The following ATP10A variants were observed in gnomAD, a reference collection of about 807,000 sequenced individuals.
The protein encoded by ATP10A is phospholipid-transporting ATPase VA.
ATP10A carries 111 observed loss-of-function variants against 147.8 expected under a neutral mutation model. The observed-to-expected ratio is 0.75, with a 90% confidence interval of 0.64 to 0.88. The LOEUF (loss-of-function observed/expected upper bound fraction) is 0.88. ATP10A is among the 40% of genes least tolerant of loss of function. The pLI is 0.00. For synonymous variants in ATP10A, 875 were observed against 841.6 expected, an observed-to-expected ratio of 1.04 and a Z score of -0.69; for missense variants, 1,927 against 1,959.0, an observed-to-expected ratio of 0.98 and a Z score of 0.31.
At chr15:25,745,002 A>G (rs986906005) in intron 2 of ATP10A, among the ~76,000 whole-genome samples, 2 of 152,214 alleles carry the variant, frequency 1.3e-5, no homozygotes, top group Non-Finnish European at 2.9e-5. Flanking sequence ...TGACACTAAA[A>G]TGATGAAAAC....
intron 2 of ATP10A, among the ~76,000 whole-genome samples, chr15:25,746,339 C>A (rs140606256): frequency 6.2e-4 from 95 of 152,164 alleles, no homozygotes; most frequent in Middle Eastern, 3.4e-3. Context: ...ATCCTAATAG[C>A]ATAAACTCAA....
intron 13 of ATP10A, among the ~76,000 whole-genome samples, chr15:25,696,855 C>T (rs1415692476): frequency 6.6e-6 from 1 of 152,216 alleles, no homozygotes; most frequent in Non-Finnish European, 1.5e-5. Context: ...AATTCTGCTA[C>T]CGTGGCTATG....
chr15:25,809,976 T>G (rs1891356186), intron 1 of ATP10A, among the ~76,000 whole-genome samples: 1 of 149,004 alleles, frequency 6.7e-6, no homozygotes, highest in Non-Finnish European at 1.5e-5. Context: ...ATCTGGGACA[T>G]GCATGGTGAA....
At chr15:25,748,961 G>A (rs1349000669) in intron 2 of ATP10A, among the ~76,000 whole-genome samples, 1 of 151,104 alleles carries the variant, frequency 6.6e-6, no homozygotes. Flanking sequence ...TACTCAGGAG[G>A]CTGAGGTGGG....
chr15:25,750,067 A>C (rs1168338885), intron 2 of ATP10A, among the ~76,000 whole-genome samples: 1 of 152,118 alleles, frequency 6.6e-6, no homozygotes, highest in Non-Finnish European at 1.5e-5. Context: ...ATAACTGAAA[A>C]GTTTCCAAAC....
intron 1 of ATP10A, among the ~76,000 whole-genome samples, chr15:25,784,917 G>A (rs1237351377): frequency 1.2e-4 from 18 of 147,766 alleles, no homozygotes; most frequent in Admixed American, 6.0e-4. Flanking sequence ...GCGAGACCCC[G>A]TGTCAAAAAA....
At chr15:25,828,694 T>TAA (rs1892223130) in intron 1 of ATP10A, among the ~76,000 whole-genome samples, 1 of 152,204 alleles carries the variant, frequency 6.6e-6, no homozygotes, top group Non-Finnish European at 1.5e-5. Context: ...TATTGCTTTA[T>TAA]CCAGTCATAA....
At chr15:25,783,477 A>ACC (rs34937685) in intron 1 of ATP10A, among the ~76,000 whole-genome samples, 22,248 of 145,210 alleles carry the variant, frequency 0.15, 1,690 homozygotes, top group Non-Finnish European at 0.19. Context: ...GATTTGAGGG[A>ACC]CCCCCCCCTG....
At chr15:25,682,721 G>T (rs773107483) in intron 17 of ATP10A, among the ~76,000 whole-genome samples, 1 of 152,212 alleles carries the variant, frequency 6.6e-6, no homozygotes, top group Admixed American at 6.5e-5. Context: ...TAACTCATCA[G>T]TGAATGAATC....
At chr15:25,735,920 C>T in intron 3 of ATP10A, 136 bp downstream of exon 3, 1 of 791,874 alleles carries the variant, frequency 1.3e-6, no homozygotes, top group Non-Finnish European at 2.1e-6. Context: ...GGCTCAGGTG[C>T]TGGGCCACAT....
intron 1 of ATP10A, among the ~76,000 whole-genome samples, chr15:25,852,405 G>T (rs953955309): frequency 1.3e-5 from 2 of 152,112 alleles, no homozygotes; most frequent in African/African-American, 4.8e-5. Flanking sequence ...GCTGGCAAGG[G>T]TCTGACCTCA....
chr15:25,706,211 A>C (rs1357277314), intron 12 of ATP10A, among the ~76,000 whole-genome samples: 3 of 152,210 alleles, frequency 2.0e-5, no homozygotes, highest in Non-Finnish European at 4.4e-5. Flanking sequence ...GGGGCCGTTA[A>C]CAACTTAGGA....
At chr15:25,745,004 G>C (rs183678473) in intron 2 of ATP10A, among the ~76,000 whole-genome samples, 63 of 152,288 alleles carry the variant, frequency 4.1e-4, no homozygotes, top group Middle Eastern at 6.8e-3. Context: ...ACACTAAAAT[G>C]ATGAAAACCA....
intron 2 of ATP10A, among the ~76,000 whole-genome samples, chr15:25,755,090 C>A (rs1400751113): frequency 6.6e-6 from 1 of 152,186 alleles, no homozygotes; most frequent in Admixed American, 6.5e-5. Context: ...CTGCCTTTTT[C>A]CCTTGAAATA....
intron 1 of ATP10A, among the ~76,000 whole-genome samples, chr15:25,806,413 C>A (rs764312444): frequency 6.6e-6 from 1 of 152,026 alleles, no homozygotes; most frequent in Non-Finnish European, 1.5e-5. Context: ...CCCAGGTTCA[C>A]GCCATTCTCC....
At chr15:25,743,216 G>T (rs191880288) in intron 2 of ATP10A, among the ~76,000 whole-genome samples, 10 of 152,310 alleles carry the variant, frequency 6.6e-5, no homozygotes, top group Admixed American at 2.0e-4. Context: ...ACAAAAAGAG[G>T]TCAGCTAAGA....
intron 1 of ATP10A, among the ~76,000 whole-genome samples, chr15:25,820,732 T>C (rs943099457): frequency 3.3e-5 from 5 of 152,242 alleles, no homozygotes; most frequent in African/African-American, 1.2e-4. Context: ...GGAAAATTTA[T>C]TATATGAAGG....
Position 25,791,922 on chromosome 15 carries a change from C to T in ATP10A, c.450-10699G>A, listed in dbSNP as rs144970668. The stretch of plus-strand genomic sequence containing the variant: ...CTTCTCCAGGCCTGGCTAAGACAGT[C>T]ACCTATGTCCCTGTATTATACATGT... On this transcript the variant is annotated intron_variant, in intron 1 of 20. Coordinates refer to ENST00000555815, the MANE Select transcript of ATP10A (RefSeq NM_024490.4). Among the ~76,000 whole-genome samples the T allele has an allele frequency of 2.2e-3, 342 of 152,218 alleles. 2 individuals carry two copies. Among genetic ancestry groups the T allele is most frequent in the African/African-American group, 7.6e-3 (314 of 41,544 alleles).
At chr15:25,814,124 C>A (rs1005115580) in intron 1 of ATP10A, among the ~76,000 whole-genome samples, 13 of 152,062 alleles carry the variant, frequency 8.5e-5, no homozygotes, top group Middle Eastern at 6.8e-3. Context: ...TAGGAAAAAT[C>A]TTGAAAACTG....
Sources: allele counts gnomAD v4.1 joint callset (sites outside exome capture counted in the v4.1 genomes callset), GRCh38; gene constraint gnomAD v4.1.1; transcripts MANE v1.5; gene names NCBI Gene and HGNC (gene_info 2026-07-23, HGNC 2026-07-21).